The following ZPLD1 variants were observed in gnomAD, a reference collection of about 807,000 sequenced individuals.
ZPLD1 encodes the protein zona pellucida-like domain-containing protein 1.
Under a neutral mutation model 47.2 loss-of-function variants are expected in ZPLD1, and 34 were observed. The observed-to-expected ratio is 0.72, with a 90% CI of 0.55 to 0.96. ZPLD1 has a LOEUF of 0.96. ZPLD1 is among the 40% of genes least tolerant of loss of function. The pLI, the probability that ZPLD1 is intolerant of heterozygous loss-of-function variation, is 0.00. For synonymous variants in ZPLD1, 176 were observed against 186.2 expected (o/e 0.95, Z 0.45); for missense variants, 512 against 505.8 (o/e 1.01, Z -0.12).
chr3:102,448,666 C>T (rs906515527), intron 3 of ZPLD1, among the ~76,000 whole-genome samples: 3 of 152,192 alleles, frequency 2.0e-5, no homozygotes, highest in Admixed American at 2.0e-4. Context: ...AAGCCTGTAG[C>T]AAATTCAGTT....
At chr3:102,414,771 A>C (rs192473419) in intron 7 of ZPLD1, among the ~76,000 whole-genome samples, 46 of 150,264 alleles carry the variant, frequency 3.1e-4, no homozygotes, top group Middle Eastern at 3.4e-3. Flanking sequence ...GAAAATACCC[A>C]AAAAAAACAA....
intron 8 of ZPLD1, among the ~76,000 whole-genome samples, chr3:102,467,938 C>G (rs1041498693): frequency 1.3e-5 from 2 of 151,532 alleles, no homozygotes; most frequent in Admixed American, 1.3e-4. Flanking sequence ...AACCAGTAAC[C>G]ACTTTTCTTA....
intron 4 of ZPLD1, among the ~76,000 whole-genome samples, chr3:102,455,067 G>C (rs1054349154): frequency 2.0e-5 from 3 of 152,146 alleles, no homozygotes; most frequent in African/African-American, 4.8e-5. Context: ...TAAGTCTCTG[G>C]ATTGGAATAA....
intron 8 of ZPLD1, 52 bp from the exon 9 acceptor site, chr3:102,468,912 G>A: frequency 3.9e-6 from 6 of 1,533,576 alleles, no homozygotes; most frequent in Non-Finnish European, 5.3e-6. Context: ...ACAAGTCCCA[G>A]TAGGTTGGTA....
At position 102,436,499 on chromosome 3, in the gene ZPLD1, A is replaced by G. The variant is rs372918321; in HGVS notation, c.-122-361A>G. On this transcript the variant is annotated intron_variant, in intron 1 of 11. Transcript: ENST00000466937. ...AAGAAAACAGCTGATGATAAATGGC[A>G]ATAAAGAAAATCTTAAATTTAATAA... 2.0e-5 allele frequency among the ~76,000 whole-genome samples: 3 copies of G among 152,230 alleles called. No individual in the cohort carries two copies. In the South Asian group the frequency reaches 6.2e-4, roughly 31 times the overall value.
rs1576153913 is a variant in ZPLD1, at chr3:102,448,554, AG to A, written c.107-4364del. 3.3e-5 allele frequency among the ~76,000 whole-genome samples: 5 copies of A among 152,338 alleles called. No homozygotes were observed. The South Asian group carries it at 1.0e-3, about 32-fold the overall frequency. On this transcript the variant is annotated intron_variant, in intron 3 of 11. Transcript: ENST00000466937. ...AAAAGAATGTGTTTCTCTGAACACTAGTGAAAAGTCCTTAGAAAACTGGGTT... is the reference window on the plus strand; with the variant it reads ...AAAAGAATGTGTTTCTCTGAACACTATGAAAAGTCCTTAGAAAACTGGGTT...
At chr3:102,463,757 C>T (rs1447093369) in intron 7 of ZPLD1, among the ~76,000 whole-genome samples, 3 of 151,810 alleles carry the variant, frequency 2.0e-5, no homozygotes, top group African/African-American at 7.3e-5. Context: ...AGAAGTTTGT[C>T]AGGCAAGCGC....
chr3:102,469,004 C>G lies in ZPLD1; in HGVS notation c.802C>G (p.Arg268Gly). 6.2e-7 allele frequency: 1 copy of G among 1,613,924 alleles called. No individual in the cohort carries two copies. The highest frequency in any genetic ancestry group is 8.5e-7 in the Non-Finnish European group (1 of 1,179,940). ...DPQTTVIENG[R>G]SQRGRFSFEV... ...TCAGACCACCGTCATTGAGAATGGC[C>G]GAAGCCAGCGGGGCCGGTTTTCTTT... The change falls in exon 9 of 12, where the codon CGA becomes GGA. Residue 268 changes from arginine to glycine, a missense_variant. By Grantham distance (125) the Arg-to-Gly change is moderately radical. Coordinates refer to ENST00000466937, the MANE Select transcript of ZPLD1 (RefSeq NM_001329788.2).
At chr3:102,392,391 C>T in intron 7 of ZPLD1, among the ~76,000 whole-genome samples, 1 of 152,146 alleles carries the variant, frequency 6.6e-6, no homozygotes, top group East Asian at 1.9e-4. Context: ...AGTCCAAGGT[C>T]AAGGGACCAT....
At chr3:102,444,983 C>T (rs537146826) in intron 3 of ZPLD1, among the ~76,000 whole-genome samples, 2 of 152,306 alleles carry the variant, frequency 1.3e-5, no homozygotes, top group African/African-American at 4.8e-5. Context: ...GCATGTCACA[C>T]ATGCTCAGGA....
intron 6 of ZPLD1, among the ~76,000 whole-genome samples, chr3:102,388,765 C>A (rs536836824): frequency 6.6e-6 from 1 of 152,174 alleles, no homozygotes; most frequent in Admixed American, 6.5e-5. Flanking sequence ...AGGCATGTGA[C>A]TATTACAACT....
intron 4 of ZPLD1, among the ~76,000 whole-genome samples, chr3:102,454,889 G>A (rs1707389136): frequency 1.3e-5 from 2 of 152,164 alleles, no homozygotes; most frequent in Admixed American, 6.6e-5. Context: ...ATACATGTAT[G>A]TATGTATTTT....
intron 7 of ZPLD1, among the ~76,000 whole-genome samples, chr3:102,412,247 G>A (rs937834623): frequency 7.3e-5 from 11 of 151,712 alleles, no homozygotes; most frequent in African/African-American, 2.7e-4. Flanking sequence ...AAACAGCTGG[G>A]CATTATAGCC....
intron 7 of ZPLD1, among the ~76,000 whole-genome samples, chr3:102,414,644 G>A (rs1047776288): frequency 6.6e-5 from 10 of 151,702 alleles, no homozygotes; most frequent in Admixed American, 3.3e-4. Context: ...AATTGATCAT[G>A]TGTAAATAAA....
At chr3:102,421,990 TTTGA>T (rs1706885275) in intron 8 of ZPLD1, among the ~76,000 whole-genome samples, 1 of 151,970 alleles carries the variant, frequency 6.6e-6, no homozygotes, top group African/African-American at 2.4e-5. Context: ...ATGATTTTAG[TTTGA>T]TTGATGTTTA....
At chr3:102,473,973 C>T (rs1486440135) in intron 10 of ZPLD1, among the ~76,000 whole-genome samples, 2 of 152,182 alleles carry the variant, frequency 1.3e-5, no homozygotes, top group African/African-American at 4.8e-5. Flanking sequence ...GCTCTATTTG[C>T]TCATTGAACC....
chr3:102,387,980 C>T (rs1001288759), intron 6 of ZPLD1, among the ~76,000 whole-genome samples: 3 of 151,614 alleles, frequency 2.0e-5, no homozygotes, highest in African/African-American at 7.3e-5. Context: ...CCTGCCTCAG[C>T]CTCCCAAGTA....
At chr3:102,410,625 C>A (rs905391705) in intron 7 of ZPLD1, among the ~76,000 whole-genome samples, 3 of 150,726 alleles carry the variant, frequency 2.0e-5, no homozygotes, top group Non-Finnish European at 4.5e-5. Context: ...GGTAGTCTTT[C>A]AGCAACCTAA....
At chr3:102,474,130 A>AG (rs1707724076) in intron 10 of ZPLD1, among the ~76,000 whole-genome samples, 2 of 152,230 alleles carry the variant, frequency 1.3e-5, no homozygotes, top group African/African-American at 4.8e-5. Flanking sequence ...TACTTGACTT[A>AG]GGAAAATCTT....
Sources: gnomAD v4.1 joint callset for allele counts (sites outside exome capture counted in the v4.1 genomes callset) on GRCh38, gnomAD v4.1.1 for gene constraint, MANE v1.5 for transcripts, NCBI Gene and HGNC (gene_info 2026-07-23, HGNC 2026-07-21) for gene names.